The following PDILT variants were observed in gnomAD, a reference collection of about 807,000 sequenced individuals.
PDILT encodes protein disulfide-isomerase-like protein of the testis.
In PDILT, 43 loss-of-function variants were observed where a neutral mutation model predicts 53.7. The observed-to-expected ratio is 0.80, with a 90% CI of 0.63 to 1.03. PDILT has a LOEUF of 1.03. Among genes scored for constraint, PDILT ranks in the 50% least tolerant of loss-of-function variants. The pLI is 0.00. For missense variants in PDILT, 727 were observed against 712.3 expected (o/e 1.02, Z -0.24); for synonymous variants, 282 against 274.2 (o/e 1.03, Z -0.28).
chr16:20,386,754 T>C (rs1966545114), intron 2 of PDILT, among the ~76,000 whole-genome samples: 1 of 152,198 alleles, frequency 6.6e-6, no homozygotes. Context: ...CACTGGCCAA[T>C]TGCTGGCTGC....
At chr16:20,400,068 A>ATTT (rs1432653493) in intron 1 of PDILT, among the ~76,000 whole-genome samples, 1 of 109,570 alleles carries the variant, frequency 9.1e-6, no homozygotes, top group African/African-American at 3.3e-5. Context: ...ATATATATAT[A>ATTT]TATATTTTTT....
chr16:20,380,989 G>A (rs1379585296), intron 3 of PDILT, among the ~76,000 whole-genome samples: 1 of 152,224 alleles, frequency 6.6e-6, no homozygotes, highest in Non-Finnish European at 1.5e-5. Flanking sequence ...CTGTGCCAGA[G>A]GACACGGTGA....
At chr16:20,375,718 A>T (rs1966376032) in intron 4 of PDILT, among the ~76,000 whole-genome samples, 1 of 151,404 alleles carries the variant, frequency 6.6e-6, no homozygotes, top group Admixed American at 6.6e-5. Flanking sequence ...GCTTGGAAAG[A>T]GGTTAGGGAG....
In PDILT at chr16:20,402,822, G is replaced by A. The variant is rs9937931; in HGVS notation, c.-8+1674C>T. Among the ~76,000 whole-genome samples the A allele has an allele frequency of 3.8e-3, 578 of 152,278 alleles. 1 individual carries two copies. Among genetic ancestry groups the A allele is most frequent in the African/African-American group, 0.013 (552 of 41,542 alleles). Reference sequence around the variant, plus strand: ...GAGACTGTAGCATCCACCCTGTCCAGCCCTGGGACTGTGCTCTCAGCCATC... The same window carrying A: ...GAGACTGTAGCATCCACCCTGTCCAACCCTGGGACTGTGCTCTCAGCCATC... On this transcript the variant is annotated intron_variant, in intron 1 of 11. Coordinates refer to ENST00000302451, the MANE Select transcript of PDILT (RefSeq NM_174924.2).
chr16:20,399,278 A>G lies in PDILT; in HGVS notation c.23T>C (p.Leu8Pro). 1 of 1,614,036 alleles carries G rather than the reference A, an allele frequency of 6.2e-7. No homozygotes were observed. Among genetic ancestry groups the G allele is most frequent in the Non-Finnish European group, 8.5e-7 (1 of 1,179,904 alleles). The change falls in exon 2 of 12, where the codon CTG becomes CCG. Residue 8 changes from leucine (L) to proline (P), a missense_variant. By Grantham distance (98) the Leu-to-Pro change is moderately conservative. Coordinates refer to ENST00000302451, the MANE Select transcript of PDILT (RefSeq NM_174924.2). Reference sequence around the variant, plus strand: ...AGAGACACAAGCGGCCACCAGCAGCAGGGGCATCCAGAGTAGGTCCATGGC... The same window carrying G: ...AGAGACACAAGCGGCCACCAGCAGCGGGGGCATCCAGAGTAGGTCCATGGC... MDLLWMP[L>P]LLVAACVSAV...
At chr16:20,384,988 G>A (rs1855895647) in intron 2 of PDILT, 137 bp from the exon 3 acceptor site, 1 of 782,374 alleles carries the variant, frequency 1.3e-6, no homozygotes, top group Non-Finnish European at 2.1e-6. Context: ...TCATAAATGT[G>A]ACAAGATGTG....
chr16:20,368,889 C>T (rs1966259743), intron 8 of PDILT, among the ~76,000 whole-genome samples: 1 of 152,106 alleles, frequency 6.6e-6, no homozygotes, highest in South Asian at 2.1e-4. Flanking sequence ...TGGCCCATTC[C>T]AGAATCCTTT....
chr16:20,396,210 G>A (rs1440175772), intron 2 of PDILT, among the ~76,000 whole-genome samples: 1 of 152,162 alleles, frequency 6.6e-6, no homozygotes, highest in Admixed American at 6.5e-5. Flanking sequence ...TCGCTTTACA[G>A]GTGAAAGTGA....
At chr16:20,401,457 G>A (rs892375649) in intron 1 of PDILT, among the ~76,000 whole-genome samples, 8 of 152,170 alleles carry the variant, frequency 5.3e-5, no homozygotes, top group African/African-American at 1.9e-4. Flanking sequence ...CCCCTCCTTT[G>A]TGACATAAAC....
In PDILT at chr16:20,374,868, A is replaced by G. The variant is rs773978008; in HGVS notation, c.635T>C (p.Ile212Thr). The change falls in exon 5 of 12, where the codon ATT becomes ACT. Residue 212 changes from isoleucine to threonine, a missense_variant. Ile to Thr is a moderately conservative substitution (Grantham distance 89, BLOSUM62 -1). Transcript: ENST00000302451. ...TFGVITIGNV[I>T]GRFHVTLDSV... ...GTCAAGGGTGACGTGGAAACGCCCAATGACATTGCCAATCGTTATGACTCC... is the reference window on the plus strand; with the variant it reads ...GTCAAGGGTGACGTGGAAACGCCCAGTGACATTGCCAATCGTTATGACTCC... 7.4e-6 allele frequency: 12 copies of G among 1,614,036 alleles called. No homozygotes were observed. Among genetic ancestry groups the G allele is most frequent in the African/African-American group, 2.7e-5 (2 of 74,952 alleles).
rs145199892 is a variant in PDILT, at chr16:20,400,844, A to C, written c.-7-1537T>G. ...GATTTTTCAAAACAACACAATAACC[A>C]CAATACTATGATCATACTTAATGAA... On this transcript the variant is annotated intron_variant, in intron 1 of 11. Transcript: ENST00000302451. Among the ~76,000 whole-genome samples, 451 of 152,338 alleles carry C rather than the reference A, an allele frequency of 3.0e-3. 1 individual carries two copies. The highest frequency in any genetic ancestry group is 0.01 in the African/African-American group (434 of 41,576).
chr16:20,367,427 T>A (rs1966229326), intron 8 of PDILT, among the ~76,000 whole-genome samples: 1 of 152,002 alleles, frequency 6.6e-6, no homozygotes, highest in Non-Finnish European at 1.5e-5. Flanking sequence ...GGAGCACACA[T>A]GGGGTGGCCA....
At chr16:20,375,031 G>A (rs1374108980) in intron 4 of PDILT, 72 bp from the exon 5 acceptor site, 1 of 1,473,600 alleles carries the variant, frequency 6.8e-7, no homozygotes, top group African/African-American at 1.4e-5. Flanking sequence ...GGGAAAGACG[G>A]CAGTGGTGGC....
intron 2 of PDILT, among the ~76,000 whole-genome samples, chr16:20,393,177 T>G (rs1447584126): frequency 6.6e-6 from 1 of 152,192 alleles, no homozygotes; most frequent in Non-Finnish European, 1.5e-5. Flanking sequence ...AAAGTCACCA[T>G]GAAATAGATG....
chr16:20,395,411 C>G (rs1966650540), intron 2 of PDILT, among the ~76,000 whole-genome samples: 1 of 152,136 alleles, frequency 6.6e-6, no homozygotes, highest in African/African-American at 2.4e-5. Context: ...TTATTTCTAG[C>G]TGGAACGTGC....
At chr16:20,373,242 G>T in intron 5 of PDILT, 120 bp from the exon 6 acceptor site, 1 of 814,328 alleles carries the variant, frequency 1.2e-6, no homozygotes, top group Non-Finnish European at 2.0e-6. Context: ...ATGGTATCAG[G>T]TGTAGTCTGT....
chr16:20,387,254 G>T (rs190630989), intron 2 of PDILT, among the ~76,000 whole-genome samples: 1 of 152,206 alleles, frequency 6.6e-6, no homozygotes, highest in Non-Finnish European at 1.5e-5. Context: ...CTTTGGAAAA[G>T]AACAGGAGAG....
chr16:20,369,633 G>A lies in PDILT; in HGVS notation c.975C>T (p.Tyr325=), dbSNP rs1214705275. Residue 325 remains tyrosine, a synonymous_variant, in exon 8 of 12, where the codon TAC becomes TAT. Transcript: ENST00000302451. ...GGATATCGACCTCTGTGACCCGGAAGTACTTGAAGACACGTCCATTTCTGG... is the reference window on the plus strand; with the variant it reads ...GGATATCGACCTCTGTGACCCGGAAATACTTGAAGACACGTCCATTTCTGG... ...DEPRNGRVFK[Y]FRVTEVDIPS... is the part of the protein sequence containing the mutation. 8.7e-6 allele frequency: 14 copies of A among 1,614,094 alleles called. No homozygotes were observed. The highest frequency in any genetic ancestry group is 7.6e-6 in the Non-Finnish European group (9 of 1,180,046).
intron 8 of PDILT, among the ~76,000 whole-genome samples, chr16:20,366,258 T>A (rs1405152642): frequency 2.0e-5 from 3 of 152,214 alleles, no homozygotes; most frequent in African/African-American, 7.2e-5. Flanking sequence ...CTTAACCAAA[T>A]GGCCAACCTT....
Sources: allele counts gnomAD v4.1 joint callset (sites outside exome capture counted in the v4.1 genomes callset), GRCh38; gene constraint gnomAD v4.1.1; transcripts MANE v1.5; gene names NCBI Gene and HGNC (gene_info 2026-07-23, HGNC 2026-07-21).